ARFIP1: variants seen among roughly 807,000 people sequenced by gnomAD.
ARFIP1 encodes the protein arfaptin-1.
ARFIP1 carries 24 observed loss-of-function variants against 42.5 expected under a neutral mutation model. The ratio of observed to expected loss-of-function variants is 0.57; its 90% CI spans 0.41 to 0.80. The LOEUF (loss-of-function observed/expected upper bound fraction) is 0.80. Ranked by LOEUF, ARFIP1 falls within the 30% of genes least tolerant of loss-of-function variation. ARFIP1 has a pLI of 0.00. For synonymous variants in ARFIP1, 141 were observed against 153.7 expected, an observed-to-expected ratio of 0.92 and a Z score of 0.61; for missense variants, 354 against 434.0, an observed-to-expected ratio of 0.82 and a Z score of 1.64.
chr4:152,836,336 TTTGA>T (rs1223692918), intron 2 of ARFIP1, among the ~76,000 whole-genome samples: 2 of 152,232 alleles, frequency 1.3e-5, no homozygotes, highest in Non-Finnish European at 2.9e-5. Flanking sequence ...TGCTCATCAG[TTTGA>T]TTGGTAATCC....
rs543585620 is a variant in ARFIP1 at position 152,911,117 on chromosome 4, A to G, written c.*898A>G. The stretch of plus-strand genomic sequence containing the variant: ...TGTAACAATACCGTTTAAGCCTTAA[A>G]TCACAGATATGTGCCTTCTCAGATA... On this transcript the variant is annotated 3_prime_UTR_variant, in exon 9 of 9. Coordinates refer to ENST00000353617, the MANE Select transcript of ARFIP1 (RefSeq NM_001025595.3). The G allele has an allele frequency of 1.3e-5, 2 of 152,660 alleles. No homozygotes were observed. Among genetic ancestry groups the G allele is most frequent in the Non-Finnish European group, 2.9e-5 (2 of 68,044 alleles). 9.5% of individuals were successfully genotyped at this position (152,660 alleles called of 1,614,324 possible).
intron 2 of ARFIP1, among the ~76,000 whole-genome samples, chr4:152,831,169 A>G (rs764834915): frequency 2.6e-4 from 39 of 152,218 alleles, no homozygotes; most frequent in Non-Finnish European, 4.4e-4. Flanking sequence ...ACTAATTTTA[A>G]TACTAATTAT....
At chr4:152,891,732 G>T (rs1325654317) in intron 8 of ARFIP1, among the ~76,000 whole-genome samples, 1 of 152,030 alleles carries the variant, frequency 6.6e-6, no homozygotes, top group Non-Finnish European at 1.5e-5. Context: ...TGTTTGAGAA[G>T]GAGTCTCGCT....
intron 8 of ARFIP1, among the ~76,000 whole-genome samples, chr4:152,905,545 GTTTTTTTTTTTT>G (rs59608457): frequency 9.9e-5 from 3 of 30,372 alleles, no homozygotes; most frequent in Non-Finnish European, 1.7e-4. Context: ...TGTAAGAATT[GTTTTTTTTTTTT>G]TTTTTTTTTT....
At chr4:152,844,473 G>T (rs1732379565) in intron 2 of ARFIP1, among the ~76,000 whole-genome samples, 1 of 151,984 alleles carries the variant, frequency 6.6e-6, no homozygotes, top group Admixed American at 6.6e-5. Context: ...TGAATTGATT[G>T]ATTGATTTAA....
intron 2 of ARFIP1, among the ~76,000 whole-genome samples, chr4:152,852,169 T>C (rs1733043937): frequency 6.6e-6 from 1 of 152,212 alleles, no homozygotes; most frequent in Admixed American, 6.5e-5. Context: ...AAACTTTGAA[T>C]TGAATGTCAG....
chr4:152,787,176 A>G (rs1730859829), intron 1 of ARFIP1, among the ~76,000 whole-genome samples: 2 of 152,322 alleles, frequency 1.3e-5, no homozygotes, highest in South Asian at 2.1e-4. Context: ...TAAATTTCCA[A>G]GTTAATGGTA....
chr4:152,780,394 G>C (rs1436034062), intron 1 of ARFIP1, among the ~76,000 whole-genome samples, 168 bp downstream of exon 1: 1 of 152,212 alleles, frequency 6.6e-6, no homozygotes. Context: ...GGTTTCTTCT[G>C]TCCTTCATTC....
At chr4:152,796,785 C>G in intron 1 of ARFIP1, 1 of 706,976 alleles carries the variant, frequency 1.4e-6, no homozygotes, top group East Asian at 2.6e-5. Context: ...CATGGTAATC[C>G]AAATGGTATA....
At chr4:152,794,847 A>G (rs1487346379) in intron 1 of ARFIP1, among the ~76,000 whole-genome samples, 4 of 152,068 alleles carry the variant, frequency 2.6e-5, no homozygotes, top group African/African-American at 9.7e-5. Context: ...TAGTACTATC[A>G]TTTATTTTGT....
rs1228925569 is a variant in ARFIP1, at chr4:152,882,776, G to A, written c.687G>A (p.Glu229=). The A allele has an allele frequency of 2.5e-6, 4 of 1,613,326 alleles. No homozygotes were observed. The highest frequency in any genetic ancestry group is 2.2e-5 in the South Asian group (2 of 90,996). Residue 229 remains glutamate (E), a synonymous_variant, in exon 7 of 9, where the codon GAG becomes GAA. Transcript: ENST00000353617. The part of the protein sequence containing the change: ...DTQKLLAKNG[E]TLLGAINFFI... ...AGAAACTGCTGGCTAAAAATGGAGA[G>A]ACTCTTCTTGGGGCCATTAATTTTT...
At chr4:152,822,527 G>A (rs1228924325) in intron 1 of ARFIP1, among the ~76,000 whole-genome samples, 1 of 152,082 alleles carries the variant, frequency 6.6e-6, no homozygotes, top group Non-Finnish European at 1.5e-5. Context: ...AGTCAACAAA[G>A]AAACACTGGA....
chr4:152,905,445 T>C (rs1324263892), intron 8 of ARFIP1, among the ~76,000 whole-genome samples: 1 of 152,090 alleles, frequency 6.6e-6, no homozygotes, highest in Non-Finnish European at 1.5e-5. Flanking sequence ...GAGCATCTTT[T>C]TATGTGCTTA....
intron 8 of ARFIP1, among the ~76,000 whole-genome samples, chr4:152,896,058 G>A (rs979123086): frequency 2.6e-5 from 4 of 152,104 alleles, no homozygotes; most frequent in African/African-American, 9.7e-5. Flanking sequence ...AGGTGTGTGT[G>A]TTGCGGGGGA....
chr4:152,853,947 A>G (rs1432974613), intron 2 of ARFIP1, among the ~76,000 whole-genome samples: 14 of 110,390 alleles, frequency 1.3e-4, no homozygotes, highest in East Asian at 5.2e-4. Context: ...GTCTCACTCT[A>G]TCACCCAGGC....
chr4:152,832,444 T>C (rs1210071767), intron 2 of ARFIP1, among the ~76,000 whole-genome samples: 2 of 152,220 alleles, frequency 1.3e-5, no homozygotes, highest in African/African-American at 2.4e-5. Context: ...TTTTTTCTAA[T>C]CTATTTGTAG....
intron 2 of ARFIP1, among the ~76,000 whole-genome samples, chr4:152,852,372 C>T (rs1179946195): frequency 1.3e-5 from 2 of 151,990 alleles, no homozygotes; most frequent in Admixed American, 6.6e-5. Context: ...GGCTCATGCC[C>T]GTAATCCTAG....
chr4:152,892,426 C>T (rs994946421), intron 8 of ARFIP1, among the ~76,000 whole-genome samples: 1 of 152,122 alleles, frequency 6.6e-6, no homozygotes, highest in Non-Finnish European at 1.5e-5. Flanking sequence ...GATAACCAAA[C>T]AACGAGAATA....
intron 1 of ARFIP1, among the ~76,000 whole-genome samples, chr4:152,781,574 A>G (rs1235492481): frequency 6.6e-6 from 1 of 152,142 alleles, no homozygotes; most frequent in East Asian, 1.9e-4. Context: ...CAGAGCGGCT[A>G]CAGATTACTA....
Sources: gnomAD v4.1 joint callset for allele counts (sites outside exome capture counted in the v4.1 genomes callset) on GRCh38, gnomAD v4.1.1 for gene constraint, MANE v1.5 for transcripts, NCBI Gene and HGNC (gene_info 2026-07-23, HGNC 2026-07-21) for gene names.